The following TMOD1 variants were observed in gnomAD, a reference collection of about 807,000 sequenced individuals.
TMOD1 encodes the protein tropomodulin 1.
Under a neutral mutation model 40.6 loss-of-function variants are expected in TMOD1, and 17 were observed. The ratio of observed to expected loss-of-function variants is 0.42; its 90% confidence interval spans 0.29 to 0.63. TMOD1 has a LOEUF of 0.63. Ranked by LOEUF, TMOD1 falls within the 20% of genes least tolerant of loss-of-function variation. The pLI, the probability that TMOD1 is intolerant of heterozygous loss-of-function variation, is 0.22. For missense variants in TMOD1, 391 were observed against 447.6 expected, an observed-to-expected ratio of 0.87 and a Z score of 1.14; for synonymous variants, 181 against 175.0, an observed-to-expected ratio of 1.03 and a Z score of -0.27.
At position 97,524,279 on chromosome 9, in the gene TMOD1, G is replaced by A; in HGVS notation, c.91G>A (p.Glu31Lys). 6.2e-7 allele frequency: 1 copy of A among 1,614,112 alleles called. No individual in the cohort carries two copies. The highest frequency in any genetic ancestry group is 8.5e-7 in the Non-Finnish European group (1 of 1,179,994). Residue 31 changes from glutamate (E) to lysine (K), a missense_variant, in exon 2 of 10, where the codon GAA becomes AAA. Coordinates refer to ENST00000259365, the MANE Select transcript of TMOD1 (RefSeq NM_003275.4). ...ALTEEELRTL[E>K]NELDELDPDN... ...AACAGAGGAAGAGCTGAGGACCCTGGAAAATGAGCTGGATGAGCTGGACCC... is the reference window on the plus strand; with the variant it reads ...AACAGAGGAAGAGCTGAGGACCCTGAAAAATGAGCTGGATGAGCTGGACCC...
intron 1 of TMOD1, among the ~76,000 whole-genome samples, chr9:97,518,300 A>T (rs563029722): frequency 4.1e-4 from 62 of 152,318 alleles, no homozygotes; most frequent in African/African-American, 1.4e-3. Flanking sequence ...CAGGGAAAGG[A>T]GCCTCTGCCG....
intron 4 of TMOD1, among the ~76,000 whole-genome samples, chr9:97,561,977 G>A (rs1236633548): frequency 1.3e-5 from 2 of 152,072 alleles, no homozygotes; most frequent in African/African-American, 4.8e-5. Context: ...TCATTGTGTG[G>A]GAACTTGCTT....
intron 8 of TMOD1, among the ~76,000 whole-genome samples, chr9:97,584,756 T>C (rs887529150): frequency 1.3e-5 from 2 of 152,210 alleles, no homozygotes; most frequent in Non-Finnish European, 1.5e-5. Context: ...CATTATGTAA[T>C]GGCCTTCTTT....
intron 8 of TMOD1, among the ~76,000 whole-genome samples, chr9:97,575,310 G>A (rs1587953423): frequency 6.6e-6 from 1 of 152,168 alleles, no homozygotes; most frequent in Non-Finnish European, 1.5e-5. Context: ...CAAACCCACC[G>A]GAAGGAAGAA....
chr9:97,537,641 G>A (rs1183617859), intron 2 of TMOD1, among the ~76,000 whole-genome samples: 1 of 152,190 alleles, frequency 6.6e-6, no homozygotes, highest in Non-Finnish European at 1.5e-5. Flanking sequence ...CATTTAAGGT[G>A]AAGCCACCAT....
chr9:97,546,377 C>T (rs368458834), intron 3 of TMOD1, 36 bp downstream of exon 3: 4 of 1,599,372 alleles, frequency 2.5e-6, no homozygotes, highest in Admixed American at 1.7e-5. Context: ...TATGCCACTC[C>T]CCATGCACCA....
chr9:97,542,267 C>A (rs1211574040), intron 2 of TMOD1, among the ~76,000 whole-genome samples: 1 of 152,168 alleles, frequency 6.6e-6, no homozygotes, highest in African/African-American at 2.4e-5. Context: ...TTTTGTTAAA[C>A]ATACCATTTA....
intron 4 of TMOD1, among the ~76,000 whole-genome samples, chr9:97,556,971 G>T (rs546305504): frequency 6.6e-6 from 1 of 152,226 alleles, no homozygotes; most frequent in South Asian, 2.1e-4. Flanking sequence ...GCAAGCTCAG[G>T]TGTGCCCTCC....
At chr9:97,564,240 G>A (rs1830692193) in intron 6 of TMOD1, 72 bp downstream of exon 6, 4 of 1,524,388 alleles carry the variant, frequency 2.6e-6, no homozygotes, top group South Asian at 2.5e-5. Context: ...AAATGCAAAC[G>A]GTCCAGGGTT....
chr9:97,517,624 G>A (rs1355547540), intron 1 of TMOD1: 1 of 152,498 alleles, frequency 6.6e-6, no homozygotes, highest in African/African-American at 2.4e-5. Context: ...AGTGTCCTCA[G>A]CTTATCACAG....
intron 2 of TMOD1, among the ~76,000 whole-genome samples, chr9:97,543,375 C>A (rs981551548): frequency 5.3e-5 from 8 of 152,232 alleles, no homozygotes; most frequent in Non-Finnish European, 7.3e-5. Flanking sequence ...ATTTGGGTAA[C>A]CAATCTCCTA....
intron 1 of TMOD1, among the ~76,000 whole-genome samples, chr9:97,519,243 T>C (rs1333207156): frequency 6.6e-6 from 1 of 152,204 alleles, no homozygotes; most frequent in African/African-American, 2.4e-5. Flanking sequence ...TCCTGATGGA[T>C]GGCCTCAGCC....
intron 1 of TMOD1, among the ~76,000 whole-genome samples, chr9:97,519,527 C>T (rs372747915): frequency 2.1e-3 from 317 of 152,332 alleles, no homozygotes; most frequent in Middle Eastern, 0.014. Flanking sequence ...CTGGGAGCCC[C>T]AGCGGCTTCA....
intron 4 of TMOD1, among the ~76,000 whole-genome samples, chr9:97,560,327 G>T (rs1342174975): frequency 6.6e-6 from 1 of 152,080 alleles, no homozygotes; most frequent in East Asian, 1.9e-4. Context: ...GAAAGGGAGA[G>T]GAGGAATCCA....
At chr9:97,528,569 A>G (rs1222651122) in intron 2 of TMOD1, among the ~76,000 whole-genome samples, 1 of 152,214 alleles carries the variant, frequency 6.6e-6, no homozygotes, top group African/African-American at 2.4e-5. Flanking sequence ...TGAGCTTCGA[A>G]AAGGCCTGGA....
intron 8 of TMOD1, among the ~76,000 whole-genome samples, chr9:97,573,421 C>T (rs1001624329): frequency 5.3e-5 from 8 of 152,228 alleles, no homozygotes; most frequent in South Asian, 2.1e-4. Flanking sequence ...ATGGATTGTG[C>T]TGTCTTGTTT....
chr9:97,547,959 G>T (rs1451300804), intron 3 of TMOD1, among the ~76,000 whole-genome samples: 1 of 152,140 alleles, frequency 6.6e-6, no homozygotes, highest in Non-Finnish European at 1.5e-5. Context: ...TTAAATAAAT[G>T]TTTAATGGAT....
intron 8 of TMOD1, among the ~76,000 whole-genome samples, chr9:97,570,870 G>A (rs1015728932): frequency 1.3e-5 from 2 of 152,180 alleles, no homozygotes; most frequent in African/African-American, 4.8e-5. Flanking sequence ...CCCAGAGAGG[G>A]CACTTTTTTC....
In TMOD1 at chr9:97,555,224, C is replaced by A. The variant is rs369137238; in HGVS notation, c.397+1824C>A. On this transcript the variant is annotated intron_variant, in intron 4 of 9. Coordinates refer to ENST00000259365, the MANE Select transcript of TMOD1 (RefSeq NM_003275.4). ...TCCATTGAGCCCGTATATTATACATCACACTTCAACCAAACCATCTCCCCG... is the reference window on the plus strand; with the variant it reads ...TCCATTGAGCCCGTATATTATACATAACACTTCAACCAAACCATCTCCCCG... 2.6e-4 allele frequency among the ~76,000 whole-genome samples: 40 copies of A among 152,322 alleles called. 1 individual carries two copies. Among genetic ancestry groups the A allele is most frequent in the African/African-American group, 8.9e-4 (37 of 41,566 alleles).
Sources: allele counts gnomAD v4.1 joint callset (sites outside exome capture counted in the v4.1 genomes callset), GRCh38; gene constraint gnomAD v4.1.1; transcripts MANE v1.5; gene names NCBI Gene and HGNC (gene_info 2026-07-23, HGNC 2026-07-21).